OLFM3: variants seen among roughly 807,000 people sequenced by gnomAD.
The protein encoded by OLFM3 is noelin-3.
Under a neutral mutation model 48.6 loss-of-function variants are expected in OLFM3, and 20 were observed. That is an observed-to-expected ratio of 0.41 (90% CI 0.29 to 0.60). The LOEUF is 0.60. Ranked by LOEUF, OLFM3 falls within the 20% of genes least tolerant of loss-of-function variation. The pLI, the probability that OLFM3 is intolerant of heterozygous loss-of-function variation, is 0.28. For synonymous variants in OLFM3, 222 were observed against 198.1 expected (o/e 1.12, Z -1.01); for missense variants, 437 against 544.3 (o/e 0.80, Z 1.96).
chr1:101,967,121 A>C (rs558884201), intron 1 of OLFM3, among the ~76,000 whole-genome samples: 79 of 152,250 alleles, frequency 5.2e-4, no homozygotes, highest in South Asian at 1.4e-3. Context: ...TATACTACCT[A>C]TCTCTTTTAG....
intron 1 of OLFM3, among the ~76,000 whole-genome samples, chr1:101,852,156 C>T (rs187010363): frequency 3.0e-4 from 46 of 152,152 alleles, no homozygotes; most frequent in Non-Finnish European, 8.8e-5. Context: ...AACAAACAAA[C>T]TTTCTTGATC....
chr1:101,819,112 G>A (rs778176875), intron 4 of OLFM3, among the ~76,000 whole-genome samples: 19 of 152,038 alleles, frequency 1.2e-4, no homozygotes, highest in Non-Finnish European at 2.4e-4. Context: ...GACCATGCCA[G>A]GGGACTCCAA....
intron 1 of OLFM3, among the ~76,000 whole-genome samples, chr1:101,945,912 A>G (rs1445136169): frequency 6.6e-6 from 1 of 152,230 alleles, no homozygotes; most frequent in Non-Finnish European, 1.5e-5. Context: ...TATAATGATT[A>G]TAATGAGGTG....
chr1:101,837,991 A>G (rs1406832681), intron 1 of OLFM3: 1 of 152,072 alleles, frequency 6.6e-6, no homozygotes, highest in Non-Finnish European at 1.5e-5. Flanking sequence ...CATTTCAACA[A>G]TTAGCTTATA....
chr1:101,980,130 C>A (rs1403300371), intron 1 of OLFM3, among the ~76,000 whole-genome samples: 1 of 152,082 alleles, frequency 6.6e-6, no homozygotes, highest in Non-Finnish European at 1.5e-5. Context: ...TAGTAACTAA[C>A]TTGCTTTTGA....
chr1:101,834,298 A>G (rs1157852857), intron 2 of OLFM3, among the ~76,000 whole-genome samples: 1 of 152,238 alleles, frequency 6.6e-6, no homozygotes, highest in Non-Finnish European at 1.5e-5. Context: ...AAACTTAGAA[A>G]GATAACTATC....
chr1:101,843,880 C>A (rs1052273959), intron 1 of OLFM3, among the ~76,000 whole-genome samples: 1 of 152,090 alleles, frequency 6.6e-6, no homozygotes, highest in African/African-American at 2.4e-5. Flanking sequence ...GTTTTTTTAA[C>A]CTCTGCGTAT....
At chr1:101,990,682 C>T (rs1024761076) in intron 1 of OLFM3, among the ~76,000 whole-genome samples, 1 of 151,772 alleles carries the variant, frequency 6.6e-6, no homozygotes, top group Non-Finnish European at 1.5e-5. Flanking sequence ...GCATTAGTTT[C>T]GTTAAAAATA....
chr1:101,824,237 A>T (rs1040461940), intron 4 of OLFM3, among the ~76,000 whole-genome samples: 2 of 152,100 alleles, frequency 1.3e-5, no homozygotes, highest in African/African-American at 4.8e-5. Context: ...TCATGTCAAC[A>T]ACTAAAATAC....
chr1:101,854,524 A>AT (rs570355603), intron 1 of OLFM3, among the ~76,000 whole-genome samples: 4 of 147,136 alleles, frequency 2.7e-5, no homozygotes, highest in Non-Finnish European at 3.1e-5. Flanking sequence ...CAGGGCAAAC[A>AT]TTTTTTTTTC....
chr1:101,880,263 C>A (rs1037129904), intron 1 of OLFM3, among the ~76,000 whole-genome samples: 1 of 151,732 alleles, frequency 6.6e-6, no homozygotes, highest in African/African-American at 2.4e-5. Flanking sequence ...TGGATACCTG[C>A]TATTCTGCCA....
intron 1 of OLFM3, among the ~76,000 whole-genome samples, chr1:101,968,546 A>G (rs1660689806): frequency 6.6e-6 from 1 of 150,590 alleles, no homozygotes; most frequent in Non-Finnish European, 1.5e-5. Flanking sequence ...AAAAAAAAAA[A>G]AAAAAGGCAT....
At chr1:101,838,178 C>T (rs112438621) in intron 1 of OLFM3, among the ~76,000 whole-genome samples, 25,989 of 152,014 alleles carry the variant, frequency 0.17, 2,397 homozygotes, top group Non-Finnish European at 0.22. Context: ...CCTGCCTCAG[C>T]CTCTTGAGTA....
At chr1:101,890,731 T>C (rs985957099) in intron 1 of OLFM3, among the ~76,000 whole-genome samples, 1 of 152,006 alleles carries the variant, frequency 6.6e-6, no homozygotes, top group Non-Finnish European at 1.5e-5. Flanking sequence ...CATGAAGTAG[T>C]ACTGAATATA....
chr1:101,865,656 A>T (rs951455757), intron 1 of OLFM3, among the ~76,000 whole-genome samples: 25 of 152,296 alleles, frequency 1.6e-4, no homozygotes, highest in African/African-American at 5.8e-4. Context: ...AATCATTAGT[A>T]TCTATCCTAG....
chr1:101,896,170 A>G (rs1297535198), intron 1 of OLFM3, among the ~76,000 whole-genome samples: 1 of 152,132 alleles, frequency 6.6e-6, no homozygotes, highest in East Asian at 1.9e-4. Flanking sequence ...TTTAAATAAC[A>G]TTAACATGGC....
At chr1:101,935,241 G>GA (rs922066667) in intron 1 of OLFM3, among the ~76,000 whole-genome samples, 3 of 138,484 alleles carry the variant, frequency 2.2e-5, no homozygotes, top group African/African-American at 8.0e-5. Context: ...GACTAATGAA[G>GA]AAAAAAAAAG....
chr1:101,879,592 C>T (rs184494878), intron 1 of OLFM3, among the ~76,000 whole-genome samples: 12 of 151,914 alleles, frequency 7.9e-5, no homozygotes, highest in African/African-American at 2.7e-4. Flanking sequence ...TATCTTTTAA[C>T]ATGGCTGGAA....
At chr1:101,809,809 G>T (rs1229134533) in intron 4 of OLFM3, among the ~76,000 whole-genome samples, 1 of 151,928 alleles carries the variant, frequency 6.6e-6, no homozygotes, top group Non-Finnish European at 1.5e-5. Flanking sequence ...TCCATTGAAT[G>T]GAACAAATAT....
Sources: gnomAD v4.1 joint callset for allele counts (sites outside exome capture counted in the v4.1 genomes callset) on GRCh38, gnomAD v4.1.1 for gene constraint, MANE v1.5 for transcripts, NCBI Gene and HGNC (gene_info 2026-07-23, HGNC 2026-07-21) for gene names.